Variants in IL19 observed in about 807,000 individuals in gnomAD.
The protein encoded by IL19 is interleukin 19, also known as interleukin-19.
In IL19, 15 loss-of-function variants were observed where a neutral mutation model predicts 19.5. The observed-to-expected ratio is 0.77, with a 90% CI of 0.52 to 1.19. The LOEUF is 1.19. Among genes scored for constraint, IL19 ranks in the 50% most tolerant of loss-of-function variants. IL19 has a pLI of 0.00. For synonymous variants in IL19, 78 were observed against 78.3 expected (o/e 1.00, Z 0.02); for missense variants, 199 against 213.1 (o/e 0.93, Z 0.41).
chr1:206,786,645 A>G (rs1675275684), intron 1 of IL19, among the ~76,000 whole-genome samples: 1 of 152,054 alleles, frequency 6.6e-6, no homozygotes, highest in Admixed American at 6.6e-5. Context: ...TTGCTTCTCT[A>G]TTGGCTGCAG....
In IL19 at chr1:206,770,843, G is replaced by A; in HGVS notation, c.-384G>A. ...TGTGTCTGTGGATGTGAGTGTCCCT[G>A]CTGGTCTGTAGGAGATGGTATTTTG... On this transcript the variant is annotated 5_prime_UTR_variant, in exon 1 of 7. Coordinates refer to ENST00000659997, the MANE Select transcript of IL19 (RefSeq NM_153758.5). The A allele has an allele frequency of 1.3e-6, 2 of 1,488,756 alleles. No individual in the cohort carries two copies. Among genetic ancestry groups the A allele is most frequent in the Non-Finnish European group, 1.9e-6 (2 of 1,064,896 alleles). The allele number at this position is 1,488,756 out of a possible 1,614,324, so 92.2% of individuals were successfully genotyped here.
At chr1:206,782,520 T>G (rs1675171135) in intron 1 of IL19, among the ~76,000 whole-genome samples, 1 of 152,182 alleles carries the variant, frequency 6.6e-6, no homozygotes, top group Admixed American at 6.5e-5. Context: ...GGCACCTGGC[T>G]TGGGTAGACA....
chr1:206,775,986 A>G (rs1350661471), intron 1 of IL19, among the ~76,000 whole-genome samples: 1 of 152,358 alleles, frequency 6.6e-6, no homozygotes, highest in South Asian at 2.1e-4. Flanking sequence ...CATAGTAGGC[A>G]TCTAATCAAT....
intron 4 of IL19, 100 bp downstream of exon 4, chr1:206,837,123 A>C: frequency 1.1e-6 from 1 of 939,388 alleles, no homozygotes. Flanking sequence ...CTCTTTCCTA[A>C]TCTCCAATGT....
At chr1:206,785,768 G>T (rs986539566) in intron 1 of IL19, among the ~76,000 whole-genome samples, 4 of 152,204 alleles carry the variant, frequency 2.6e-5, no homozygotes, top group Non-Finnish European at 5.9e-5. Flanking sequence ...TAGACCCCCA[G>T]CTCCCAAGAA....
At chr1:206,802,379 T>C (rs575699866) in intron 2 of IL19, among the ~76,000 whole-genome samples, 9 of 152,296 alleles carry the variant, frequency 5.9e-5, no homozygotes, top group African/African-American at 2.2e-4. Flanking sequence ...TTTTTTTTTC[T>C]GCCTTCCATG....
At chr1:206,838,574 C>A (rs1234357518) in intron 4 of IL19, among the ~76,000 whole-genome samples, 1 of 152,174 alleles carries the variant, frequency 6.6e-6, no homozygotes, top group Admixed American at 6.5e-5. Flanking sequence ...CAAATGAGGA[C>A]AGTGAGACCT....
intron 4 of IL19, among the ~76,000 whole-genome samples, chr1:206,839,045 G>T (rs946653701): frequency 1.3e-4 from 20 of 152,330 alleles, no homozygotes; most frequent in Admixed American, 3.3e-4. Flanking sequence ...ACCACTCCCT[G>T]CTTAGACTGA....
At chr1:206,820,698 T>C (rs963171427) in intron 2 of IL19, among the ~76,000 whole-genome samples, 6 of 152,224 alleles carry the variant, frequency 3.9e-5, no homozygotes, top group Non-Finnish European at 7.3e-5. Context: ...GCCTCTACTT[T>C]ACTGTGGCAT....
At chr1:206,785,847 A>G (rs559073825) in intron 1 of IL19, among the ~76,000 whole-genome samples, 2 of 152,348 alleles carry the variant, frequency 1.3e-5, no homozygotes, top group South Asian at 2.1e-4. Context: ...ATCAACATTT[A>G]TAAGTAGAGT....
At chr1:206,775,827 G>A (rs778171795) in intron 1 of IL19, among the ~76,000 whole-genome samples, 41 of 152,322 alleles carry the variant, frequency 2.7e-4, no homozygotes, top group Non-Finnish European at 4.3e-4. Flanking sequence ...AGAGAGGGAA[G>A]TGAGAAGGCA....
chr1:206,820,313 G>A (rs1459251813), intron 2 of IL19, among the ~76,000 whole-genome samples: 1 of 152,180 alleles, frequency 6.6e-6, no homozygotes, highest in Non-Finnish European at 1.5e-5. Context: ...TTACCAGTCT[G>A]TAACCTTCAA....
At chr1:206,790,909 A>G (rs1214185235) in intron 1 of IL19, among the ~76,000 whole-genome samples, 2 of 152,236 alleles carry the variant, frequency 1.3e-5, no homozygotes, top group Non-Finnish European at 2.9e-5. Context: ...CTTTTAGCAC[A>G]GATTCCAGAA....
intron 1 of IL19, among the ~76,000 whole-genome samples, chr1:206,794,585 G>A (rs371390677): frequency 1.1e-4 from 16 of 152,168 alleles, no homozygotes; most frequent in East Asian, 3.8e-4. Flanking sequence ...ATCTTCTCAC[G>A]TAGATTTTAG....
At chr1:206,814,186 C>A (rs1676088815) in intron 2 of IL19, among the ~76,000 whole-genome samples, 1 of 151,870 alleles carries the variant, frequency 6.6e-6, no homozygotes, top group South Asian at 2.1e-4. Flanking sequence ...TCAAGCAATG[C>A]ACAATTGGAA....
In IL19 at chr1:206,832,356, C is replaced by A. The variant is rs1290724104; in HGVS notation, c.-2-4305C>A. 2.6e-5 allele frequency among the ~76,000 whole-genome samples: 4 copies of A among 152,312 alleles called. No individual in the cohort carries two copies. In the East Asian group the frequency reaches 7.7e-4, roughly 29 times the overall value. On this transcript the variant is annotated intron_variant, in intron 2 of 6. Coordinates refer to ENST00000659997, the MANE Select transcript of IL19 (RefSeq NM_153758.5). ...GGAGCTTCAGAAAGGCTTTAAGTAG[C>A]TTTTCCAGTGTCTATAGACCTAATG...
chr1:206,807,612 T>G (rs961841278), intron 2 of IL19, among the ~76,000 whole-genome samples: 2 of 152,206 alleles, frequency 1.3e-5, no homozygotes, highest in African/African-American at 4.8e-5. Flanking sequence ...AAGTTTCCTT[T>G]GTTTTTTTGG....
rs889563743 is a variant in IL19 at position 206,836,772 on chromosome 1, T to C, written c.110T>C (p.Ile37Thr). The C allele has an allele frequency of 1.2e-6, 2 of 1,613,984 alleles. No individual in the cohort carries two copies. The highest frequency in any genetic ancestry group is 1.7e-6 in the Non-Finnish European group (2 of 1,179,994). The part of the protein sequence containing the change: ...RCLISTDMHH[I>T]EESFQEIKRA... ...CTGATTTCCACAGACATGCACCATA[T>C]AGAAGAGAGTTTCCAAGAAATCAAA... The change falls in exon 3 of 7, where the codon ATA (isoleucine) becomes ACA (threonine). Residue 37 changes from isoleucine to threonine, a missense_variant. Transcript: ENST00000659997.
chr1:206,778,970 G>T (rs182142637), intron 1 of IL19, among the ~76,000 whole-genome samples: 12 of 152,300 alleles, frequency 7.9e-5, no homozygotes, highest in Admixed American at 5.9e-4. Context: ...AGCTGAGGCA[G>T]GACTGGCTTG....
Sources: allele counts gnomAD v4.1 joint callset (sites outside exome capture counted in the v4.1 genomes callset), GRCh38; gene constraint gnomAD v4.1.1; transcripts MANE v1.5; gene names NCBI Gene and HGNC (gene_info 2026-07-23, HGNC 2026-07-21).